LAMTOR3: variants seen among roughly 807,000 people sequenced by gnomAD.
The protein encoded by LAMTOR3 is late endosomal/lysosomal adaptor, MAPK and MTOR activator 3, also known as ragulator complex protein LAMTOR3.
Under a neutral mutation model 20.3 loss-of-function variants are expected in LAMTOR3, and 14 were observed. The ratio of observed to expected loss-of-function variants is 0.69; its 90% CI spans 0.46 to 1.08. The LOEUF (loss-of-function observed/expected upper bound fraction) is 1.08, where lower values mean the gene tolerates loss of function less well. LAMTOR3 is among the 50% of genes least tolerant of loss of function. The probability of loss-of-function intolerance (pLI) is 0.00; values close to 1 mark genes in which losing one functional copy is unlikely to be tolerated. For synonymous variants in LAMTOR3, 40 were observed against 49.4 expected (o/e 0.81, Z 0.80); for missense variants, 125 against 143.7 (o/e 0.87, Z 0.67).
intron 3 of LAMTOR3, among the ~76,000 whole-genome samples, chr4:99,891,248 C>A (rs556115107): frequency 6.6e-6 from 1 of 152,136 alleles, no homozygotes; most frequent in Non-Finnish European, 1.5e-5. Context: ...CCTTTCATTA[C>A]GCTAAGGTAA....
intron 2 of LAMTOR3, among the ~76,000 whole-genome samples, chr4:99,892,900 G>C (rs1029097676): frequency 1.3e-5 from 2 of 152,042 alleles, no homozygotes; most frequent in Non-Finnish European, 2.9e-5. Flanking sequence ...GGCTGGTCTC[G>C]AACTCCTGAC....
rs992041835 is a variant in LAMTOR3 at position 99,893,258 on chromosome 4, T to C, written c.9+697A>G. On this transcript the variant is annotated intron_variant, in intron 2 of 6. Coordinates refer to ENST00000499666, the MANE Select transcript of LAMTOR3 (RefSeq NM_021970.4). ...TGAACTCCCGGCCTCAAGTGATCCTTCCATCTCGGCCTCCCAAAGTGCTGA... is the reference window on the plus strand; with the variant it reads ...TGAACTCCCGGCCTCAAGTGATCCTCCCATCTCGGCCTCCCAAAGTGCTGA... 1.4e-4 allele frequency among the ~76,000 whole-genome samples: 21 copies of C among 151,246 alleles called. No homozygotes were observed. In the East Asian group the frequency reaches 3.0e-3, roughly 21 times the overall value.
At chr4:99,886,920 G>GTA (rs553163950) in intron 4 of LAMTOR3, among the ~76,000 whole-genome samples, 10 of 151,996 alleles carry the variant, frequency 6.6e-5, no homozygotes, top group African/African-American at 1.9e-4. Context: ...TGTGTGGTAT[G>GTA]TATATATATA....
At chr4:99,891,924 A>T (rs1560722171) in intron 3 of LAMTOR3, 76 bp downstream of exon 3, 2 of 1,519,392 alleles carry the variant, frequency 1.3e-6, no homozygotes, top group South Asian at 2.5e-5. Context: ...CAACATGGAA[A>T]ATACAGACAA....
intron 4 of LAMTOR3, among the ~76,000 whole-genome samples, chr4:99,886,116 C>A (rs1724921964): frequency 6.6e-6 from 1 of 152,178 alleles, no homozygotes; most frequent in South Asian, 2.1e-4. Context: ...GTTTCTCTCA[C>A]TCATTAAAAG....
At chr4:99,888,899 T>A (rs971749614) in intron 3 of LAMTOR3, among the ~76,000 whole-genome samples, 3 of 152,188 alleles carry the variant, frequency 2.0e-5, no homozygotes, top group African/African-American at 7.2e-5. Flanking sequence ...TTAAAATATA[T>A]CTCTAAGATT....
intron 6 of LAMTOR3, 148 bp downstream of exon 6, chr4:99,883,914 C>A: frequency 3.4e-6 from 2 of 591,174 alleles, no homozygotes; most frequent in Non-Finnish European, 6.1e-6. Context: ...TCACTTTTCC[C>A]AAGACATGGA....
In LAMTOR3 at chr4:99,885,537, C is replaced by T; in HGVS notation, c.237+5G>A. The T allele has an allele frequency of 6.3e-7, 1 of 1,594,428 alleles. No individual in the cohort carries two copies. The highest frequency in any genetic ancestry group is 8.5e-7 in the Non-Finnish European group (1 of 1,172,262). ...CAGCAAATCATTTTATAATTATGAACTTACCTGGTAGGTGTTATAGTAACA... is the reference window on the plus strand; with the variant it reads ...CAGCAAATCATTTTATAATTATGAATTTACCTGGTAGGTGTTATAGTAACA... On this transcript the variant is annotated splice_donor_5th_base_variant and intron_variant, in intron 5 of 6. Coordinates refer to ENST00000499666, the MANE Select transcript of LAMTOR3 (RefSeq NM_021970.4).
intron 2 of LAMTOR3, 105 bp from the exon 3 acceptor site, chr4:99,892,139 C>G: frequency 7.0e-7 from 1 of 1,434,048 alleles, no homozygotes; most frequent in Non-Finnish European, 9.1e-7. Context: ...CATTCATAAC[C>G]TTTCTTGCTG....
chr4:99,890,316 G>A (rs567467075), intron 3 of LAMTOR3, among the ~76,000 whole-genome samples: 12 of 152,246 alleles, frequency 7.9e-5, no homozygotes, highest in Non-Finnish European at 1.5e-4. Context: ...ATTTTAAATT[G>A]CAAATACAAG....
Position 99,879,913 on chromosome 4 carries a change from G to T in LAMTOR3, c.*2081C>A, listed in dbSNP as rs2110177552. 6.7e-6 allele frequency: 1 copy of T among 149,890 alleles called. No homozygotes were observed. Among genetic ancestry groups the T allele is most frequent in the Middle Eastern group, 3.6e-3 (1 of 276 alleles). 9.3% of individuals were successfully genotyped at this position (149,890 alleles called of 1,614,324 possible). A position where few individuals can be genotyped will look rare whatever the true frequency, so the allele number is the denominator to read the frequency against. On this transcript the variant is annotated 3_prime_UTR_variant, in exon 7 of 7. Coordinates refer to ENST00000499666, the MANE Select transcript of LAMTOR3 (RefSeq NM_021970.4). The stretch of plus-strand genomic sequence containing the variant: ...GGTATCGCCTACTACTACACACCTA[G>T]GCTATATGGTATAGCCTACTACTAC...
chr4:99,889,263 A>G (rs1724981685), intron 3 of LAMTOR3, among the ~76,000 whole-genome samples: 1 of 152,240 alleles, frequency 6.6e-6, no homozygotes, highest in Admixed American at 6.5e-5. Context: ...ACTAGGTTAT[A>G]TAAAACATAT....
chr4:99,886,426 CT>C (rs1339716359), intron 4 of LAMTOR3, among the ~76,000 whole-genome samples: 1 of 152,150 alleles, frequency 6.6e-6, no homozygotes, highest in African/African-American at 2.4e-5. Flanking sequence ...CTCCTTTGTT[CT>C]TATAATGTGT....
chr4:99,893,530 G>A lies in LAMTOR3; in HGVS notation c.9+425C>T, dbSNP rs146071254. 2.4e-3 allele frequency among the ~76,000 whole-genome samples: 360 copies of A among 152,128 alleles called. 4 individuals carry two copies. Among genetic ancestry groups the A allele is most frequent in the African/African-American group, 8.3e-3 (345 of 41,480 alleles). On this transcript the variant is annotated intron_variant, in intron 2 of 6. Transcript: ENST00000499666. ...AAAGAGGCATGGGTTAGAAATCATCGTAAATTGCTACAATAAACCAAATGA... is the reference window on the plus strand; with the variant it reads ...AAAGAGGCATGGGTTAGAAATCATCATAAATTGCTACAATAAACCAAATGA...
At chr4:99,890,208 G>A (rs951144251) in intron 3 of LAMTOR3, among the ~76,000 whole-genome samples, 11 of 152,008 alleles carry the variant, frequency 7.2e-5, no homozygotes, top group Non-Finnish European at 1.3e-4. Context: ...CAAAGACATC[G>A]GATTTAGTTT....
In LAMTOR3 at chr4:99,881,898, GCA is replaced by G. The variant is rs1724834190; in HGVS notation, c.*94_*95del. ...GTTGGAAAAAGGGGCCCTTTCTTGA[GCA>G]CATGGATAAAAGTATTATTGTAGTC... On this transcript the variant is annotated 3_prime_UTR_variant, in exon 7 of 7. Coordinates refer to ENST00000499666, the MANE Select transcript of LAMTOR3 (RefSeq NM_021970.4). 3 of 846,868 alleles carry G rather than the reference GCA, an allele frequency of 3.5e-6. No individual in the cohort carries two copies. In the Admixed American group the frequency reaches 7.0e-5, roughly 20 times the overall value. The allele number at this position is 846,868 out of a possible 1,614,324, so 52.5% of individuals were successfully genotyped here.
chr4:99,882,143 CCAAAATA>C, intron 6 of LAMTOR3, 76 bp from the exon 7 acceptor site: 1 of 827,140 alleles, frequency 1.2e-6, no homozygotes, highest in Non-Finnish European at 1.9e-6. Flanking sequence ...TTCCTTATGT[CCAAAATA>C]CATAGTTACC....
At chr4:99,889,023 G>C (rs1247910128) in intron 3 of LAMTOR3, among the ~76,000 whole-genome samples, 1 of 152,142 alleles carries the variant, frequency 6.6e-6, no homozygotes, top group Non-Finnish European at 1.5e-5. Context: ...TGGCCAACAT[G>C]ATGAAACCCC....
chr4:99,883,803 AC>A (rs1265108344), intron 6 of LAMTOR3, among the ~76,000 whole-genome samples: 1 of 151,354 alleles, frequency 6.6e-6, no homozygotes, highest in East Asian at 1.9e-4. Context: ...AAAATCACTT[AC>A]CCATACACTG....
Sources: allele counts gnomAD v4.1 joint callset (sites outside exome capture counted in the v4.1 genomes callset), GRCh38; gene constraint gnomAD v4.1.1; transcripts MANE v1.5; gene names NCBI Gene and HGNC (gene_info 2026-07-23, HGNC 2026-07-21).